TCERG1: variants seen among roughly 807,000 people sequenced by gnomAD.
TCERG1 encodes transcription elongation regulator 1, also known as TATA box binding protein (TBP)-associated factor, RNA polymerase II, S, 150kD.
A neutral mutation model predicts 144.7 loss-of-function variants in TCERG1; 37 were observed. The observed-to-expected ratio is 0.26, with a 90% CI of 0.20 to 0.34. The LOEUF (loss-of-function observed/expected upper bound fraction) is 0.34. TCERG1 is among the 10% of genes least tolerant of loss of function. TCERG1 has a pLI of 1.00. For missense variants in TCERG1, 1,027 were observed against 1,380.7 expected (o/e 0.74, Z 4.06); for synonymous variants, 492 against 458.2 (o/e 1.07, Z -0.94).
chr5:146,468,065 C>T (rs1282359802), intron 5 of TCERG1, among the ~76,000 whole-genome samples: 1 of 152,080 alleles, frequency 6.6e-6, no homozygotes, highest in East Asian at 1.9e-4. Flanking sequence ...AATGAAGGGG[C>T]TTTCTTTTGT....
intron 18 of TCERG1, 75 bp from the exon 19 acceptor site, chr5:146,503,749 G>T: frequency 1.3e-6 from 2 of 1,488,468 alleles, no homozygotes; most frequent in South Asian, 1.4e-5. Flanking sequence ...TTTTTTATTT[G>T]GCAAGCTAGT....
chr5:146,447,728 C>G (rs1331894023), intron 1 of TCERG1, among the ~76,000 whole-genome samples: 2 of 152,252 alleles, frequency 1.3e-5, no homozygotes, highest in African/African-American at 4.8e-5. Context: ...CGTGTCGCCT[C>G]CGTCTCGGCC....
At chr5:146,509,560 G>C (rs3797302) in intron 22 of TCERG1, among the ~76,000 whole-genome samples, 18,392 of 149,830 alleles carry the variant, frequency 0.12, 2,266 homozygotes, top group East Asian at 0.72. Context: ...TGTATTTCAT[G>C]AAGAGACTTT....
intron 5 of TCERG1, among the ~76,000 whole-genome samples, chr5:146,467,387 T>C (rs576799664): frequency 1.3e-5 from 2 of 152,274 alleles, no homozygotes; most frequent in East Asian, 3.9e-4. Flanking sequence ...TAAAAATTAT[T>C]GCCCCTATAC....
At position 146,466,275 on chromosome 5, in the gene TCERG1, A is replaced by G. The variant is rs182033025; in HGVS notation, c.1136-2066A>G. ...AATAAGGTGAATGGGAAGGATTTGT[A>G]TGTAATTTGTCTTGGAGGCTTAATT... is the stretch of plus-strand genomic sequence containing the variant. On this transcript the variant is annotated intron_variant, in intron 5 of 22. Coordinates refer to ENST00000679501, the MANE Select transcript of TCERG1 (RefSeq NM_001382548.1). Among the ~76,000 whole-genome samples, 16 of 152,228 alleles carry G rather than the reference A, an allele frequency of 1.1e-4. 1 individual carries two copies. Among genetic ancestry groups the G allele is most frequent in the African/African-American group, 3.6e-4 (15 of 41,548 alleles).
At position 146,458,938 on chromosome 5, in the gene TCERG1, G is replaced by C; in HGVS notation, c.493G>C (p.Val165Leu). The C allele has an allele frequency of 6.2e-7, 1 of 1,614,244 alleles. No homozygotes were observed. The change falls in exon 4 of 23, where the codon GTT (valine) becomes CTT (leucine). Residue 165 changes from valine to leucine, a missense_variant. Transcript: ENST00000679501. ...RESAWTKPDG[V>L]KVIQQSELTP... ...ATCTGCATGGACCAAGCCAGATGGA[G>C]TTAAGGTTATTCAGCAATCAGAACT...
At chr5:146,508,651 A>G (rs1024839137) in intron 21 of TCERG1, among the ~76,000 whole-genome samples, 1 of 152,208 alleles carries the variant, frequency 6.6e-6, no homozygotes, top group Non-Finnish European at 1.5e-5. Flanking sequence ...GAGTTTATTC[A>G]TCTTATTACT....
intron 12 of TCERG1, 121 bp downstream of exon 12, chr5:146,480,215 T>C: frequency 1.6e-6 from 1 of 632,630 alleles, no homozygotes; most frequent in Non-Finnish European, 2.7e-6. Flanking sequence ...ATTGCTCTCT[T>C]AGGCCTGATA....
At chr5:146,472,725 G>GTGTGTGTGTGTGTGTGTGTGTGT (rs1490572810) in intron 9 of TCERG1, among the ~76,000 whole-genome samples, 1 of 151,686 alleles carries the variant, frequency 6.6e-6, no homozygotes, top group Admixed American at 6.6e-5. Flanking sequence ...GTGTGTGTGT[G>GTGTGTGTGTGTGTGTGTGTGTGT]TGTTTTGAGA....
intron 16 of TCERG1, among the ~76,000 whole-genome samples, chr5:146,495,346 T>A (rs1395012292): frequency 9.8e-5 from 15 of 152,340 alleles, no homozygotes. Context: ...GATTTCAAAT[T>A]TGGGATGCCC....
chr5:146,455,101 A>C lies in TCERG1; in HGVS notation c.105A>C (p.Pro35=). ...QALRFRGPAP[P]PNAVMRGPPP... is the part of the protein sequence containing the mutation. ...TGAGGTTCCGAGGTCCGGCTCCCCCACCAAATGCAGTGATGCGAGGCCCAC... is the reference window on the plus strand; with the variant it reads ...TGAGGTTCCGAGGTCCGGCTCCCCCCCCAAATGCAGTGATGCGAGGCCCAC... Residue 35 remains proline (P), a synonymous_variant, in exon 2 of 23, where the codon CCA becomes CCC. Coordinates refer to ENST00000679501, the MANE Select transcript of TCERG1 (RefSeq NM_001382548.1). 1 of 1,614,186 alleles carries C rather than the reference A, an allele frequency of 6.2e-7. No homozygotes were observed. The highest frequency in any genetic ancestry group is 1.1e-5 in the South Asian group (1 of 91,088).
At chr5:146,504,107 G>A in intron 19 of TCERG1, 101 bp downstream of exon 19, 1 of 1,169,512 alleles carries the variant, frequency 8.6e-7, no homozygotes, top group Non-Finnish European at 1.1e-6. Flanking sequence ...TTCTGAGGGA[G>A]ATAATTTGCT....
intron 1 of TCERG1, among the ~76,000 whole-genome samples, chr5:146,450,845 A>C (rs892685454): frequency 5.4e-4 from 83 of 152,352 alleles, no homozygotes; most frequent in African/African-American, 2.0e-3. Flanking sequence ...GAATGAAAGT[A>C]ATGATAGTTG....
chr5:146,471,583 A>C lies in TCERG1; in HGVS notation c.1601+7A>C. On this transcript the variant is annotated splice_region_variant and intron_variant, in intron 9 of 22. Coordinates refer to ENST00000679501, the MANE Select transcript of TCERG1 (RefSeq NM_001382548.1). ...CTATTCCTGGTACTCCATGGTATGT[A>C]TTTGGCTCAAGTAGTAATTTTTTTT... 4 of 1,602,562 alleles carry C rather than the reference A, an allele frequency of 2.5e-6. No individual in the cohort carries two copies. Among genetic ancestry groups the C allele is most frequent in the Non-Finnish European group, 3.4e-6 (4 of 1,174,858 alleles).
chr5:146,459,507 T>C (rs1185093523), intron 4 of TCERG1, among the ~76,000 whole-genome samples, 170 bp downstream of exon 4: 1 of 152,226 alleles, frequency 6.6e-6, no homozygotes, highest in Non-Finnish European at 1.5e-5. Flanking sequence ...CAGGAATTTA[T>C]ATTAACAGGA....
chr5:146,459,990 A>G (rs1237848255), intron 4 of TCERG1, among the ~76,000 whole-genome samples: 1 of 152,186 alleles, frequency 6.6e-6, no homozygotes, highest in Non-Finnish European at 1.5e-5. Flanking sequence ...GGGGGCCTGT[A>G]TAAATGCAGT....
chr5:146,498,293 T>C (rs538258546), intron 16 of TCERG1, among the ~76,000 whole-genome samples: 2 of 152,136 alleles, frequency 1.3e-5, no homozygotes, highest in East Asian at 3.9e-4. Context: ...CTCTTTCTTT[T>C]TTTTTTTAAT....
intron 16 of TCERG1, 46 bp downstream of exon 16, chr5:146,493,084 C>T: frequency 7.7e-7 from 1 of 1,298,068 alleles, no homozygotes. Flanking sequence ...TTTATTTTCT[C>T]CTAAGATCAG....
chr5:146,483,425 A>C, intron 14 of TCERG1, 115 bp from the exon 15 acceptor site: 1 of 849,072 alleles, frequency 1.2e-6, no homozygotes, highest in Non-Finnish European at 1.8e-6. Context: ...TGGAAACTTC[A>C]GTATGGTTTT....
Sources: gnomAD v4.1 joint callset for allele counts (sites outside exome capture counted in the v4.1 genomes callset) on GRCh38, gnomAD v4.1.1 for gene constraint, MANE v1.5 for transcripts, NCBI Gene and HGNC (gene_info 2026-07-23, HGNC 2026-07-21) for gene names.